Variants in UBE2K observed in about 807,000 individuals in gnomAD.
UBE2K encodes ubiquitin-conjugating enzyme E2 K.
A neutral mutation model predicts 30.0 loss-of-function variants in UBE2K; 6 were observed. The ratio of observed to expected loss-of-function variants is 0.20; its 90% CI spans 0.11 to 0.39. UBE2K has a LOEUF of 0.39. Ranked by LOEUF, UBE2K falls within the 10% of genes least tolerant of loss-of-function variation. UBE2K has a pLI of 1.00. For missense variants in UBE2K, 61 were observed against 241.6 expected, an observed-to-expected ratio of 0.25 and a Z score of 4.96; for synonymous variants, 86 against 83.7, an observed-to-expected ratio of 1.03 and a Z score of -0.15.
intron 1 of UBE2K, among the ~76,000 whole-genome samples, chr4:39,702,290 T>G (rs1718076168): frequency 7.5e-6 from 1 of 133,462 alleles, no homozygotes; most frequent in Non-Finnish European, 1.5e-5. Flanking sequence ...GTTTTGCTTT[T>G]GTTGCCCAGG....
At chr4:39,756,857 T>C (rs534957033) in intron 4 of UBE2K, among the ~76,000 whole-genome samples, 2 of 152,268 alleles carry the variant, frequency 1.3e-5, no homozygotes, top group South Asian at 4.2e-4. Context: ...CAAGAGAAGG[T>C]ATAACAGAAC....
chr4:39,720,397 G>C (rs995671561), intron 1 of UBE2K, among the ~76,000 whole-genome samples: 1 of 151,834 alleles, frequency 6.6e-6, no homozygotes. Context: ...ATCATCTGTG[G>C]TTCAATTCTT....
intron 1 of UBE2K, among the ~76,000 whole-genome samples, chr4:39,720,976 G>C (rs1719390007): frequency 6.6e-6 from 1 of 152,014 alleles, no homozygotes; most frequent in African/African-American, 2.4e-5. Context: ...TGAACTCCTG[G>C]CCTCAAGTGA....
At chr4:39,772,085 C>T (rs1037798214) in intron 4 of UBE2K, among the ~76,000 whole-genome samples, 1 of 152,176 alleles carries the variant, frequency 6.6e-6, no homozygotes, top group Middle Eastern at 3.2e-3. Flanking sequence ...GATCTGCCTG[C>T]CTCGGCCTTC....
intron 3 of UBE2K, 131 bp downstream of exon 3, chr4:39,745,941 G>A: frequency 3.1e-6 from 2 of 646,998 alleles, no homozygotes; most frequent in South Asian, 3.2e-5. Context: ...AACTTGATGT[G>A]GACAGGATTT....
chr4:39,739,168 C>T (rs891642415), intron 2 of UBE2K, among the ~76,000 whole-genome samples: 12 of 151,560 alleles, frequency 7.9e-5, no homozygotes, highest in African/African-American at 2.4e-4. Context: ...GCTGGGACTA[C>T]GGGCACCCGC....
chr4:39,771,592 C>T (rs543220708), intron 4 of UBE2K, among the ~76,000 whole-genome samples: 258 of 152,258 alleles, frequency 1.7e-3, no homozygotes, highest in Non-Finnish European at 2.5e-3. Flanking sequence ...AGGGCGCGCT[C>T]GCGCTGGCGG....
At chr4:39,763,983 C>T (rs180873348) in intron 4 of UBE2K, among the ~76,000 whole-genome samples, 42 of 152,114 alleles carry the variant, frequency 2.8e-4, no homozygotes, top group African/African-American at 9.4e-4. Context: ...CTACCTGCTT[C>T]AGCCTCCCAA....
At chr4:39,770,733 C>T in intron 4 of UBE2K, 2 of 1,582,270 alleles carry the variant, frequency 1.3e-6, no homozygotes, top group South Asian at 1.2e-5. Flanking sequence ...ACCCACGGAG[C>T]CTCCAATGCC....
intron 2 of UBE2K, among the ~76,000 whole-genome samples, chr4:39,744,758 T>C (rs1349848616): frequency 6.6e-6 from 1 of 150,934 alleles, no homozygotes; most frequent in Non-Finnish European, 1.5e-5. Context: ...CACAAAAAAA[T>C]TAGCCAGGCG....
chr4:39,708,170 G>T (rs1718476577), intron 1 of UBE2K, among the ~76,000 whole-genome samples: 1 of 152,102 alleles, frequency 6.6e-6, no homozygotes, highest in Non-Finnish European at 1.5e-5. Context: ...GAAGTGCTGG[G>T]ATTGCAGGCG....
chr4:39,747,875 C>T (rs1328538712), intron 3 of UBE2K, among the ~76,000 whole-genome samples: 2 of 151,210 alleles, frequency 1.3e-5, no homozygotes, highest in African/African-American at 2.4e-5. Context: ...GGTCTCGGCT[C>T]ACTGCAACCT....
rs1396658302 is a variant in UBE2K, at chr4:39,698,147, G to A, written c.-181G>A. On this transcript the variant is annotated 5_prime_UTR_variant, in exon 1 of 7. Transcript: ENST00000261427. ...TGCGCCGACCCGGCGCCATTTTGGT[G>A]GCCGGGCGCGGAGGTGATTCCACAC... The A allele has an allele frequency of 1.5e-6, 1 of 653,148 alleles. No homozygotes were observed. The highest frequency in any genetic ancestry group is 2.8e-6 in the Non-Finnish European group (1 of 362,510). The allele number at this position is 653,148 out of a possible 1,614,324, so 40.5% of individuals were successfully genotyped here.
At chr4:39,777,066 G>A (rs1362964582) in intron 5 of UBE2K, among the ~76,000 whole-genome samples, 1 of 152,134 alleles carries the variant, frequency 6.6e-6, no homozygotes, top group Non-Finnish European at 1.5e-5. Context: ...ACTAAGTAAT[G>A]GTGGTTCCAA....
intron 2 of UBE2K, among the ~76,000 whole-genome samples, chr4:39,742,700 C>T (rs1175175767): frequency 2.0e-5 from 3 of 152,132 alleles, no homozygotes; most frequent in Non-Finnish European, 2.9e-5. Context: ...GAGATCGCAC[C>T]ATTGCACTCC....
chr4:39,717,272 C>T (rs1245034128), intron 1 of UBE2K, among the ~76,000 whole-genome samples: 2 of 149,460 alleles, frequency 1.3e-5, no homozygotes, highest in South Asian at 2.1e-4. Context: ...CTCGCTATAT[C>T]GCCCAGGCTG....
intron 6 of UBE2K, among the ~76,000 whole-genome samples, chr4:39,778,044 G>A (rs1328914597): frequency 1.5e-5 from 2 of 133,338 alleles, no homozygotes; most frequent in Non-Finnish European, 3.0e-5. Context: ...GCTGCAGTGA[G>A]CGATAGTCAT....
chr4:39,741,685 T>G (rs1720712426), intron 2 of UBE2K, among the ~76,000 whole-genome samples: 1 of 152,202 alleles, frequency 6.6e-6, no homozygotes, highest in Non-Finnish European at 1.5e-5. Context: ...GTTACTTAAC[T>G]CAATTTTCTT....
At chr4:39,776,573 C>T (rs1713295650) in intron 5 of UBE2K, among the ~76,000 whole-genome samples, 2 of 152,134 alleles carry the variant, frequency 1.3e-5, no homozygotes, top group Non-Finnish European at 2.9e-5. Context: ...GCATTGCATT[C>T]ATTTTTACAT....
Sources: gnomAD v4.1 joint callset for allele counts (sites outside exome capture counted in the v4.1 genomes callset) on GRCh38, gnomAD v4.1.1 for gene constraint, MANE v1.5 for transcripts, NCBI Gene and HGNC (gene_info 2026-07-23, HGNC 2026-07-21) for gene names.